Variants in OSBPL1A observed in about 807,000 individuals in gnomAD.
OSBPL1A encodes oxysterol-binding protein-related protein 1.
A neutral mutation model predicts 137.1 loss-of-function variants in OSBPL1A; 80 were observed. The ratio of observed to expected loss-of-function variants is 0.58; its 90% CI spans 0.49 to 0.70. OSBPL1A has a LOEUF of 0.70. OSBPL1A is among the 30% of genes least tolerant of loss of function. OSBPL1A has a pLI of 0.00. For missense variants in OSBPL1A, 970 were observed against 1,129.4 expected, an observed-to-expected ratio of 0.86 and a Z score of 2.02; for synonymous variants, 365 against 389.7, an observed-to-expected ratio of 0.94 and a Z score of 0.75.
At position 24,334,702 on chromosome 18, in the gene OSBPL1A, G is replaced by A. The variant is rs1324840671; in HGVS notation, c.395-372C>T. Among the ~76,000 whole-genome samples the A allele has an allele frequency of 2.6e-5, 4 of 152,156 alleles. No homozygotes were observed. In the South Asian group the frequency reaches 8.3e-4, roughly 32 times the overall value. On this transcript the variant is annotated intron_variant, in intron 5 of 27. Coordinates refer to ENST00000319481, the MANE Select transcript of OSBPL1A (RefSeq NM_080597.4). ...AAAATAACAAGAAATAGCACTGATA[G>A]AAAGATGTACATGTCGTATAAATAT...
chr18:24,252,920 C>G (rs2089144341), intron 15 of OSBPL1A, among the ~76,000 whole-genome samples: 1 of 151,904 alleles, frequency 6.6e-6, no homozygotes, highest in Non-Finnish European at 1.5e-5. Context: ...GGTTATAAGA[C>G]AGTATTTGCA....
At chr18:24,201,870 G>T (rs919113075) in intron 17 of OSBPL1A, among the ~76,000 whole-genome samples, 1 of 152,106 alleles carries the variant, frequency 6.6e-6, no homozygotes, top group African/African-American at 2.4e-5. Context: ...CCCACCTCCT[G>T]CATCTGCTCT....
At chr18:24,173,693 G>A (rs1232561822) in intron 21 of OSBPL1A, among the ~76,000 whole-genome samples, 3 of 152,228 alleles carry the variant, frequency 2.0e-5, no homozygotes, top group Non-Finnish European at 2.9e-5. Context: ...GATTACAGGC[G>A]TGAGCCACCG....
At chr18:24,364,320 C>G (rs1295498366) in intron 4 of OSBPL1A, among the ~76,000 whole-genome samples, 1 of 152,192 alleles carries the variant, frequency 6.6e-6, no homozygotes, top group African/African-American at 2.4e-5. Context: ...CGAGAAATGC[C>G]TGGACTCTGA....
intron 15 of OSBPL1A, among the ~76,000 whole-genome samples, chr18:24,250,761 T>A (rs2089062810): frequency 6.6e-6 from 1 of 152,200 alleles, no homozygotes; most frequent in South Asian, 2.1e-4. Flanking sequence ...GCACCTTAAG[T>A]ACCAGCTTGG....
intron 14 of OSBPL1A, among the ~76,000 whole-genome samples, chr18:24,291,126 C>G (rs996131488): frequency 6.6e-6 from 1 of 152,162 alleles, no homozygotes; most frequent in Non-Finnish European, 1.5e-5. Context: ...TGAAGATGAG[C>G]TGTCCATAAA....
intron 16 of OSBPL1A, among the ~76,000 whole-genome samples, chr18:24,231,102 G>T (rs2088262696): frequency 6.6e-6 from 1 of 152,092 alleles, no homozygotes; most frequent in Non-Finnish European, 1.5e-5. Context: ...AGAAGTGTCA[G>T]AATAACACCT....
At chr18:24,272,364 G>C (rs751013165) in intron 15 of OSBPL1A, 4 of 876,108 alleles carry the variant, frequency 4.6e-6, no homozygotes, top group Non-Finnish European at 5.5e-6. Flanking sequence ...AAGCGTTCGC[G>C]TTTACGGTTC....
At chr18:24,367,032 T>C in intron 3 of OSBPL1A, 66 bp from the exon 4 acceptor site, 1 of 1,334,404 alleles carries the variant, frequency 7.5e-7, no homozygotes, top group Non-Finnish European at 1.0e-6. Flanking sequence ...CTTCAAAATA[T>C]ATTAAGGCCT....
At chr18:24,331,394 C>CCT (rs1366456884) in intron 7 of OSBPL1A, among the ~76,000 whole-genome samples, 3 of 147,780 alleles carry the variant, frequency 2.0e-5, no homozygotes, top group Non-Finnish European at 4.5e-5. Flanking sequence ...ATGGCATGTT[C>CCT]CTCTTTTTTT....
intron 4 of OSBPL1A, chr18:24,358,087 G>A (rs973576444): frequency 4.1e-6 from 1 of 241,794 alleles, no homozygotes; most frequent in African/African-American, 2.2e-5. Flanking sequence ...GTACACATTG[G>A]GGATGTACGT....
Position 24,310,432 on chromosome 18 carries a change from C to CAAAA in OSBPL1A, c.1092+1548_1092+1551dup, listed in dbSNP as rs3039412. Among the ~76,000 whole-genome samples, 517 of 89,692 alleles carry CAAAA rather than the reference C, an allele frequency of 5.8e-3. 4 individuals are homozygous for CAAAA. The highest frequency in any genetic ancestry group is 7.7e-3 in the Non-Finnish European group (367 of 47,782). The allele number at this position is 89,692 out of a possible 152,430, so 58.8% of individuals were successfully genotyped here. On this transcript the variant is annotated intron_variant, in intron 13 of 27. Coordinates refer to ENST00000319481, the MANE Select transcript of OSBPL1A (RefSeq NM_080597.4). The stretch of plus-strand genomic sequence containing the variant: ...TGAAACCCTGTCTCTACTAAAAATA[C>CAAAA]AAAAAAAAAAAAAAAAAAAATTAGC...
At chr18:24,207,909 T>A (rs907377378) in intron 17 of OSBPL1A, among the ~76,000 whole-genome samples, 1 of 152,146 alleles carries the variant, frequency 6.6e-6, no homozygotes, top group African/African-American at 2.4e-5. Flanking sequence ...CAACACTGGC[T>A]ACGTTTCGTA....
intron 15 of OSBPL1A, among the ~76,000 whole-genome samples, chr18:24,259,142 C>G (rs981684349): frequency 1.3e-5 from 2 of 151,880 alleles, no homozygotes; most frequent in Non-Finnish European, 2.9e-5. Flanking sequence ...CTCCTGACCT[C>G]GTGATCCGCC....
chr18:24,316,867 C>A (rs1292143879), intron 11 of OSBPL1A, among the ~76,000 whole-genome samples: 1 of 152,182 alleles, frequency 6.6e-6, no homozygotes, highest in Admixed American at 6.5e-5. Context: ...GATATTTCAT[C>A]ATCAAATAAG....
At chr18:24,236,107 T>G (rs554782276) in intron 16 of OSBPL1A, among the ~76,000 whole-genome samples, 1 of 152,330 alleles carries the variant, frequency 6.6e-6, no homozygotes, top group African/African-American at 2.4e-5. Context: ...ATGTTGGAAC[T>G]TCTGACCACC....
intron 18 of OSBPL1A, among the ~76,000 whole-genome samples, chr18:24,186,140 T>C (rs2086741113): frequency 6.6e-6 from 1 of 152,210 alleles, no homozygotes; most frequent in African/African-American, 2.4e-5. Context: ...ATTATCTTTC[T>C]AGTCCTGCTA....
intron 17 of OSBPL1A, among the ~76,000 whole-genome samples, chr18:24,218,776 A>G (rs548349801): frequency 1.3e-5 from 2 of 152,148 alleles, no homozygotes; most frequent in African/African-American, 4.8e-5. Context: ...CTAACAATGT[A>G]TTATATACTT....
chr18:24,352,187 T>A lies in OSBPL1A; in HGVS notation c.283-10529A>T, dbSNP rs141530008. On this transcript the variant is annotated intron_variant, in intron 4 of 27. Coordinates refer to ENST00000319481, the MANE Select transcript of OSBPL1A (RefSeq NM_080597.4). Reference sequence around the variant, plus strand: ...TGGGCATGGTGGCATGAGCCTGTAGTCCTAGCTGTGAGGCTGAGGTCAGAG... The same window carrying A: ...TGGGCATGGTGGCATGAGCCTGTAGACCTAGCTGTGAGGCTGAGGTCAGAG... Among the ~76,000 whole-genome samples, 384 of 152,126 alleles carry A rather than the reference T, an allele frequency of 2.5e-3. 2 individuals are homozygous for A. Among genetic ancestry groups the A allele is most frequent in the African/African-American group, 8.9e-3 (368 of 41,494 alleles).
Sources: allele counts gnomAD v4.1 joint callset (sites outside exome capture counted in the v4.1 genomes callset), GRCh38; gene constraint gnomAD v4.1.1; transcripts MANE v1.5; gene names NCBI Gene and HGNC (gene_info 2026-07-23, HGNC 2026-07-21).